Variants in SULF1 observed in about 807,000 individuals in gnomAD.
SULF1 encodes the protein extracellular sulfatase Sulf-1.
Under a neutral mutation model 110.5 loss-of-function variants are expected in SULF1, and 46 were observed. That is an observed-to-expected ratio of 0.42 (90% confidence interval 0.33 to 0.53). SULF1 has a LOEUF of 0.53. Among genes scored for constraint, SULF1 ranks in the 20% least tolerant of loss-of-function variants. The pLI is 0.12. For missense variants in SULF1, 941 were observed against 1,094.2 expected (o/e 0.86, Z 1.98); for synonymous variants, 371 against 387.1 (o/e 0.96, Z 0.49).
intron 19 of SULF1, among the ~76,000 whole-genome samples, chr8:69,636,621 C>A (rs1165749718): frequency 6.6e-6 from 1 of 152,064 alleles, no homozygotes; most frequent in Non-Finnish European, 1.5e-5. Context: ...GAAGTGTTTT[C>A]CCTACAGAAA....
chr8:69,532,069 A>G (rs1813123231), intron 3 of SULF1, among the ~76,000 whole-genome samples: 1 of 152,224 alleles, frequency 6.6e-6, no homozygotes, highest in South Asian at 2.1e-4. Context: ...AGGGGTTAGG[A>G]AGCAAGAGTT....
At chr8:69,567,037 G>C (rs1815931730) in intron 5 of SULF1, among the ~76,000 whole-genome samples, 2 of 152,124 alleles carry the variant, frequency 1.3e-5, no homozygotes, top group Admixed American at 6.5e-5. Flanking sequence ...TTTAACCACT[G>C]TCCCTTCCAT....
intron 1 of SULF1, among the ~76,000 whole-genome samples, chr8:69,483,617 G>T (rs185249969): frequency 3.0e-4 from 45 of 151,990 alleles, no homozygotes; most frequent in Non-Finnish European, 4.1e-4. Context: ...ATTATATTTC[G>T]CAATAGAAAA....
chr8:69,500,763 G>T (rs1276370532), intron 2 of SULF1, among the ~76,000 whole-genome samples: 1 of 152,164 alleles, frequency 6.6e-6, no homozygotes, highest in African/African-American at 2.4e-5. Flanking sequence ...AATGGGTGAG[G>T]TGGGCCACAT....
intron 3 of SULF1, among the ~76,000 whole-genome samples, chr8:69,528,122 C>G (rs752705184): frequency 4.6e-4 from 70 of 152,176 alleles, no homozygotes; most frequent in Non-Finnish European, 8.7e-4. Flanking sequence ...CCTTTGCCCC[C>G]ACAGGACCTT....
intron 8 of SULF1, among the ~76,000 whole-genome samples, chr8:69,599,867 C>T (rs1056003421): frequency 6.6e-6 from 1 of 152,072 alleles, no homozygotes; most frequent in African/African-American, 2.4e-5. Flanking sequence ...GCATGGGATA[C>T]CATGTGGATC....
intron 3 of SULF1, among the ~76,000 whole-genome samples, chr8:69,553,267 C>T (rs1814860030): frequency 6.6e-6 from 1 of 152,214 alleles, no homozygotes; most frequent in Admixed American, 6.5e-5. Context: ...TTTATCCTTT[C>T]GTGTGTACTT....
chr8:69,637,644 A>G (rs963777588), intron 19 of SULF1: 4 of 153,556 alleles, frequency 2.6e-5, no homozygotes, highest in African/African-American at 7.2e-5. Context: ...CCAACCTAAT[A>G]GTTGTTTCTA....
chr8:69,480,208 C>A (rs969398872), intron 1 of SULF1, among the ~76,000 whole-genome samples: 2 of 152,128 alleles, frequency 1.3e-5, no homozygotes, highest in African/African-American at 4.8e-5. Flanking sequence ...GACTTCAAAA[C>A]AATTTTCACT....
intron 8 of SULF1, chr8:69,592,942 C>T: frequency 1.0e-6 from 1 of 987,416 alleles, no homozygotes; most frequent in Non-Finnish European, 1.2e-6. Flanking sequence ...AAGGACCAAT[C>T]TGGACTGTGT....
intron 20 of SULF1, 33 bp downstream of exon 20, chr8:69,638,677 G>C: frequency 6.2e-7 from 1 of 1,612,232 alleles, no homozygotes; most frequent in African/African-American, 1.3e-5. Context: ...TATGAAGGTT[G>C]TTGAAAATAG....
At chr8:69,572,505 C>A (rs1805308794) in intron 5 of SULF1, among the ~76,000 whole-genome samples, 1 of 152,078 alleles carries the variant, frequency 6.6e-6, no homozygotes, top group Non-Finnish European at 1.5e-5. Flanking sequence ...TACAATATAC[C>A]TTATAGTCTT....
At chr8:69,585,618 G>T (rs542798492) in intron 6 of SULF1, among the ~76,000 whole-genome samples, 1 of 152,280 alleles carries the variant, frequency 6.6e-6, no homozygotes, top group Non-Finnish European at 1.5e-5. Context: ...AGGCCTTCCA[G>T]TGGCTTTTTT....
In SULF1 at chr8:69,572,167, G is replaced by A. The variant is rs187080183; in HGVS notation, c.173-3803G>A. On this transcript the variant is annotated intron_variant, in intron 5 of 22. Coordinates refer to ENST00000402687, the MANE Select transcript of SULF1 (RefSeq NM_001128205.2). ...GAGTGCAGAAAGAGAGACCTATCGC[G>A]ACTGCAAGCAGACGTCAATTCTGTT... is the stretch of plus-strand genomic sequence containing the variant. Among the ~76,000 whole-genome samples the A allele has an allele frequency of 2.3e-4, 35 of 152,254 alleles. No homozygotes were observed. The East Asian group carries it at 6.4e-3, about 28-fold the overall frequency.
At chr8:69,479,772 C>A (rs987523865) in intron 1 of SULF1, among the ~76,000 whole-genome samples, 1 of 152,104 alleles carries the variant, frequency 6.6e-6, no homozygotes, top group Non-Finnish European at 1.5e-5. Context: ...CCTAAAATCA[C>A]AAAACTCATT....
At chr8:69,482,865 T>C (rs1809563965) in intron 1 of SULF1, among the ~76,000 whole-genome samples, 1 of 152,196 alleles carries the variant, frequency 6.6e-6, no homozygotes, top group South Asian at 2.1e-4. Context: ...CTGAAAGTAA[T>C]TTCCACTTAA....
chr8:69,496,237 TATA>T (rs1810346161), intron 2 of SULF1, among the ~76,000 whole-genome samples: 1 of 152,232 alleles, frequency 6.6e-6, no homozygotes, highest in African/African-American at 2.4e-5. Context: ...TGCAAAGTGG[TATA>T]ATATTTCTTT....
At chr8:69,588,589 T>C (rs1167208186) in intron 7 of SULF1, among the ~76,000 whole-genome samples, 1 of 152,160 alleles carries the variant, frequency 6.6e-6, no homozygotes, top group Non-Finnish European at 1.5e-5. Context: ...AGTAATTAAA[T>C]TTTTTGCCAA....
intron 19 of SULF1, among the ~76,000 whole-genome samples, chr8:69,634,580 GCAA>G (rs1810829285): frequency 6.6e-6 from 1 of 152,024 alleles, no homozygotes; most frequent in African/African-American, 2.4e-5. Flanking sequence ...ACCAGCCTGG[GCAA>G]CATGGTGAAA....
Sources: gnomAD v4.1 joint callset for allele counts (sites outside exome capture counted in the v4.1 genomes callset) on GRCh38, gnomAD v4.1.1 for gene constraint, MANE v1.5 for transcripts, NCBI Gene and HGNC (gene_info 2026-07-23, HGNC 2026-07-21) for gene names.